The following SNX29 variants were observed in gnomAD, a reference collection of about 807,000 sequenced individuals.
SNX29 encodes the protein sorting nexin-29.
In SNX29, 78 loss-of-function variants were observed where a neutral mutation model predicts 102.1. The observed-to-expected ratio is 0.76, with a 90% CI of 0.64 to 0.92. The LOEUF is 0.92. Among genes scored for constraint, SNX29 ranks in the 40% least tolerant of loss-of-function variants. The probability of loss-of-function intolerance (pLI) is 0.00; values close to 1 mark genes in which losing one functional copy is unlikely to be tolerated. For synonymous variants in SNX29, 580 were observed against 414.5 expected, an observed-to-expected ratio of 1.40 and a Z score of -4.85; for missense variants, 1,280 against 1,061.7, an observed-to-expected ratio of 1.21 and a Z score of -2.86.
intron 8 of SNX29, among the ~76,000 whole-genome samples, chr16:12,055,288 C>T (rs1460011974): frequency 6.8e-6 from 1 of 146,354 alleles, no homozygotes; most frequent in Non-Finnish European, 1.5e-5. Context: ...GGCTGGAGTA[C>T]GGTGGCACGA....
chr16:12,336,043 T>C (rs1202293481), intron 15 of SNX29, among the ~76,000 whole-genome samples: 1 of 152,168 alleles, frequency 6.6e-6, no homozygotes, highest in Non-Finnish European at 1.5e-5. Context: ...TTGATATCTT[T>C]ATGAAACCCT....
chr16:12,036,235 C>G (rs1402725151), intron 4 of SNX29, among the ~76,000 whole-genome samples: 5 of 151,932 alleles, frequency 3.3e-5, no homozygotes, highest in East Asian at 3.9e-4. Flanking sequence ...CCGCCACACT[C>G]GGCTCCTTGT....
chr16:12,297,797 A>C (rs2080032339), intron 15 of SNX29, among the ~76,000 whole-genome samples: 1 of 152,136 alleles, frequency 6.6e-6, no homozygotes, highest in Admixed American at 6.5e-5. Context: ...GTCTGGCTCC[A>C]CCTGTCTCAC....
At chr16:12,147,178 C>G (rs140422838) in intron 13 of SNX29, among the ~76,000 whole-genome samples, 2 of 152,214 alleles carry the variant, frequency 1.3e-5, no homozygotes, top group African/African-American at 4.8e-5. Context: ...CATTAGTACC[C>G]AATGCCAGAT....
intron 13 of SNX29, among the ~76,000 whole-genome samples, chr16:12,194,622 G>GTT (rs34250906): frequency 1.2e-4 from 16 of 129,132 alleles, no homozygotes; most frequent in African/African-American, 2.3e-4. Context: ...GGGGTGGGTA[G>GTT]TTTTTTTTTT....
Position 12,312,959 on chromosome 16 carries a change from G to C in SNX29, c.1782+34923G>C, listed in dbSNP as rs576908950. On this transcript the variant is annotated intron_variant, in intron 15 of 20. Coordinates refer to ENST00000566228, the MANE Select transcript of SNX29 (RefSeq NM_032167.5). ...TGGCCTTCCGAGTCAGGGGGATCTG[G>C]CTTTTCAGGTCTAGCATTGTCATAA... Among the ~76,000 whole-genome samples the C allele has an allele frequency of 3.1e-4, 47 of 152,012 alleles. 2 individuals carry two copies. Among genetic ancestry groups the C allele is most frequent in the African/African-American group, 1.1e-3 (46 of 41,462 alleles).
chr16:12,080,553 A>T (rs1596803379), intron 11 of SNX29, among the ~76,000 whole-genome samples: 1 of 151,986 alleles, frequency 6.6e-6, no homozygotes, highest in African/African-American at 2.4e-5. Context: ...TTATTTATTT[A>T]TTTTTTTGTA....
At chr16:12,543,273 A>G (rs1182518723) in intron 20 of SNX29, among the ~76,000 whole-genome samples, 1 of 152,198 alleles carries the variant, frequency 6.6e-6, no homozygotes, top group Non-Finnish European at 1.5e-5. Context: ...TCATCAGCGC[A>G]TGCATCTGGG....
At chr16:12,448,471 C>CTTTTT (rs5815689) in intron 18 of SNX29, among the ~76,000 whole-genome samples, 1 of 147,782 alleles carries the variant, frequency 6.8e-6, no homozygotes. Flanking sequence ...ATTGGGAACT[C>CTTTTT]TTTTTTTTTT....
rs34325828 is a variant in SNX29, at chr16:12,550,531, CAAAA to C, written c.2319-17962_2319-17959del. ...GTCTGGGAGACACAGTCTCAATCTA[CAAAA>C]AAAAAAAAAAAACCAAACACCAAAT... On this transcript the variant is annotated intron_variant, in intron 20 of 20. Coordinates refer to ENST00000566228, the MANE Select transcript of SNX29 (RefSeq NM_032167.5). 2.1e-4 allele frequency among the ~76,000 whole-genome samples: 23 copies of C among 108,208 alleles called. No homozygotes were observed. In the South Asian group the frequency reaches 3.4e-3, roughly 16 times the overall value. 71.0% of individuals were successfully genotyped at this position (108,208 alleles called of 152,430 possible).
chr16:12,528,779 C>T lies in SNX29; in HGVS notation c.2318+3938C>T, dbSNP rs140929273. Among the ~76,000 whole-genome samples the T allele has an allele frequency of 3.7e-3, 570 of 152,318 alleles. 2 individuals are homozygous for T. Among genetic ancestry groups the T allele is most frequent in the African/African-American group, 0.012 (499 of 41,568 alleles). ...ACATCCACGTTACTCATGATGCATT[C>T]GGTTTGCACACTGTGCCACTGTGTG... On this transcript the variant is annotated intron_variant, in intron 20 of 20. Coordinates refer to ENST00000566228, the MANE Select transcript of SNX29 (RefSeq NM_032167.5).
chr16:12,414,575 A>C (rs558617230), intron 18 of SNX29, among the ~76,000 whole-genome samples: 24 of 152,212 alleles, frequency 1.6e-4, no homozygotes, highest in African/African-American at 5.8e-4. Flanking sequence ...TTCCTTTTCC[A>C]AGTTCCCTGG....
At chr16:12,562,516 C>G (rs570480404) in intron 20 of SNX29, among the ~76,000 whole-genome samples, 87 of 152,286 alleles carry the variant, frequency 5.7e-4, no homozygotes, top group South Asian at 2.5e-3. Flanking sequence ...CCCAAGTACA[C>G]CTGCTGGTGA....
At chr16:12,181,883 CT>C (rs397854786) in intron 13 of SNX29, among the ~76,000 whole-genome samples, 7,718 of 141,190 alleles carry the variant, frequency 0.055, 306 homozygotes, top group Admixed American at 0.14. Flanking sequence ...GGGCTTCTGC[CT>C]TTTTTTTTTT....
chr16:12,391,877 C>G (rs938244325), intron 16 of SNX29, among the ~76,000 whole-genome samples: 1 of 152,198 alleles, frequency 6.6e-6, no homozygotes, highest in South Asian at 2.1e-4. Context: ...TTTAAAATTG[C>G]GTGATTGTTA....
chr16:12,200,408 G>A (rs2076884024), intron 14 of SNX29, among the ~76,000 whole-genome samples: 1 of 151,940 alleles, frequency 6.6e-6, no homozygotes, highest in Non-Finnish European at 1.5e-5. Flanking sequence ...CCAAAAGACC[G>A]TAACAAAATT....
chr16:12,351,273 G>C (rs1267014225), intron 15 of SNX29, among the ~76,000 whole-genome samples: 1 of 152,176 alleles, frequency 6.6e-6, no homozygotes, highest in African/African-American at 2.4e-5. Flanking sequence ...AACAAAACAG[G>C]TGCAATGCCA....
chr16:12,059,690 AAG>A lies in SNX29; in HGVS notation c.1125-1835_1125-1834del, dbSNP rs1227163739. The stretch of plus-strand genomic sequence containing the variant: ...GCAGTGAACAGTTGTTACATTTTTA[AAG>A]AGTTATTAAGAGACACCAAGAAAGA... On this transcript the variant is annotated intron_variant, in intron 8 of 20. Coordinates refer to ENST00000566228, the MANE Select transcript of SNX29 (RefSeq NM_032167.5). Among the ~76,000 whole-genome samples, 7 of 152,230 alleles carry A rather than the reference AAG, an allele frequency of 4.6e-5. No individual in the cohort carries two copies. In the South Asian group the frequency reaches 1.4e-3, roughly 32 times the overall value.
At chr16:12,531,835 C>T (rs1028213546) in intron 20 of SNX29, among the ~76,000 whole-genome samples, 2 of 152,198 alleles carry the variant, frequency 1.3e-5, no homozygotes, top group Non-Finnish European at 2.9e-5. Flanking sequence ...GGATGGCCGC[C>T]TGTGAGCTGC....
Sources: allele counts gnomAD v4.1 joint callset (sites outside exome capture counted in the v4.1 genomes callset), GRCh38; gene constraint gnomAD v4.1.1; transcripts MANE v1.5; gene names NCBI Gene and HGNC (gene_info 2026-07-23, HGNC 2026-07-21).